The following IQSEC3 variants were observed in gnomAD, a reference collection of about 807,000 sequenced individuals.
IQSEC3 encodes the protein IQ motif and Sec7 domain ArfGEF 3.
IQSEC3 carries 50 observed loss-of-function variants against 105.4 expected under a neutral mutation model. That is an observed-to-expected ratio of 0.47 (90% CI 0.38 to 0.60). IQSEC3 has a LOEUF of 0.60. Among genes scored for constraint, IQSEC3 ranks in the 20% least tolerant of loss-of-function variants. The probability of loss-of-function intolerance (pLI) is 0.00; values close to 1 mark genes in which losing one functional copy is unlikely to be tolerated. For missense variants in IQSEC3, 1,415 were observed against 1,630.0 expected, an observed-to-expected ratio of 0.87 and a Z score of 2.27; for synonymous variants, 708 against 746.0, an observed-to-expected ratio of 0.95 and a Z score of 0.83.
chr12:107,656 C>T (rs1441705222), intron 2 of IQSEC3, among the ~76,000 whole-genome samples: 9 of 151,882 alleles, frequency 5.9e-5, no homozygotes, highest in Non-Finnish European at 8.8e-5. Context: ...GTGATCCGCC[C>T]ACCTCGGCCT....
intron 1 of IQSEC3, among the ~76,000 whole-genome samples, chr12:68,555 T>A (rs1863187877): frequency 6.6e-6 from 1 of 152,280 alleles, no homozygotes; most frequent in African/African-American, 2.4e-5. Context: ...GCTGTGGCCA[T>A]GTCTGCTTCT....
intron 1 of IQSEC3, among the ~76,000 whole-genome samples, chr12:76,247 G>A (rs1390275599): frequency 1.3e-5 from 2 of 152,262 alleles, no homozygotes; most frequent in Admixed American, 6.5e-5. Context: ...GCTGGATTCC[G>A]GGGTCATGAA....
At chr12:133,729 G>C (rs28662778) in intron 3 of IQSEC3, among the ~76,000 whole-genome samples, 2 of 150,040 alleles carry the variant, frequency 1.3e-5, no homozygotes, top group African/African-American at 2.4e-5. Flanking sequence ...GAGTGAGGCA[G>C]AGGTTAGTGT....
At chr12:106,067 A>T (rs1330073450) in intron 2 of IQSEC3, among the ~76,000 whole-genome samples, 12 of 152,232 alleles carry the variant, frequency 7.9e-5, no homozygotes, top group African/African-American at 2.9e-4. Flanking sequence ...GGAAGCAAAT[A>T]CTAGCCACCA....
chr12:80,898 G>A (rs1459168399), intron 1 of IQSEC3, among the ~76,000 whole-genome samples: 1 of 152,218 alleles, frequency 6.6e-6, no homozygotes, highest in East Asian at 1.9e-4. Flanking sequence ...CAAACAGCTA[G>A]CATAGAGGCC....
chr12:111,255 CA>C (rs1405252347), intron 2 of IQSEC3, among the ~76,000 whole-genome samples: 1 of 152,172 alleles, frequency 6.6e-6, no homozygotes, highest in East Asian at 1.9e-4. Flanking sequence ...TTGGCACACC[CA>C]ATCCTCATCT....
rs572367293 is a variant in IQSEC3 at position 138,739 on chromosome 12, C to T, written c.1376C>T (p.Ala459Val). 32 of 1,510,580 alleles carry T rather than the reference C, an allele frequency of 2.1e-5. No homozygotes were observed. In the Admixed American group the frequency reaches 2.5e-4, roughly 12 times the overall value. 93.6% of individuals were successfully genotyped at this position (1,510,580 alleles called of 1,614,324 possible). Residue 459 changes from alanine to valine, a missense_variant, in exon 4 of 14, where the codon GCG (alanine) becomes GTG (valine). This residue lies in a region of IQSEC3 where 720 missense variants were observed against 633.0 expected (regional missense o/e 1.14). Coordinates refer to ENST00000538872, the MANE Select transcript of IQSEC3 (RefSeq NM_001170738.2). The surrounding 1 kb of genome is among the most constrained non-coding windows in gnomAD (Gnocchi z 7.1). Reference protein sequence around the residue: ...LEAEGRAPESAGPGPGDDAAE... With the variant: ...LEAEGRAPESVGPGPGDDAAE... ...GCCGAGGGGCGGGCGCCGGAGAGCG[C>T]GGGCCCCGGGCCCGGGGATGACGCC...
At chr12:86,236 A>G (rs1391091073) in intron 1 of IQSEC3, among the ~76,000 whole-genome samples, 1 of 152,226 alleles carries the variant, frequency 6.6e-6, no homozygotes, top group African/African-American at 2.4e-5. Context: ...GCACAAAACA[A>G]ACAAGGGAAG....
intron 1 of IQSEC3, among the ~76,000 whole-genome samples, chr12:69,207 C>T (rs1863212589): frequency 6.6e-6 from 1 of 152,276 alleles, no homozygotes; most frequent in African/African-American, 2.4e-5. Context: ...ACTGCAACTC[C>T]ACTTTCTTTG....
chr12:77,026 C>T (rs1288397333), intron 1 of IQSEC3, among the ~76,000 whole-genome samples: 1 of 152,290 alleles, frequency 6.6e-6, no homozygotes, highest in Non-Finnish European at 1.5e-5. Flanking sequence ...TGCATCAAAT[C>T]AACCAATGAT....
rs782603737 is a variant in IQSEC3, at chr12:138,424, G to T, written c.1061G>T (p.Arg354Leu). 1 of 1,607,964 alleles carries T rather than the reference G, an allele frequency of 6.2e-7. No homozygotes were observed. The highest frequency in any genetic ancestry group is 1.1e-5 in the South Asian group (1 of 90,982). ...ESRLPRRISLRKVRSPTAESL... is the reference protein window; with the variant it reads ...ESRLPRRISLLKVRSPTAESL... Reference sequence around the variant, plus strand: ...CGCCTGCCACGGCGGATCTCCCTGCGCAAGGTGCGGTCACCCACGGCCGAG... The same window carrying T: ...CGCCTGCCACGGCGGATCTCCCTGCTCAAGGTGCGGTCACCCACGGCCGAG... The change falls in exon 4 of 14, where the codon CGC (arginine) becomes CTC (leucine). Residue 354 changes from arginine (R) to leucine (L), a missense_variant. By Grantham distance (102) the Arg-to-Leu change is moderately radical. Transcript: ENST00000538872. The surrounding 1 kb of genome is among the most constrained non-coding windows in gnomAD (Gnocchi z 7.1).
chr12:156,903 C>CGG, intron 5 of IQSEC3, 122 bp from the exon 6 acceptor site: 2 of 1,252,974 alleles, frequency 1.6e-6, no homozygotes, highest in Non-Finnish European at 2.1e-6. Flanking sequence ...GGGCGACCCC[C>CGG]GGGGGTGAGT....
chr12:95,147 C>T (rs1028094542), intron 1 of IQSEC3, among the ~76,000 whole-genome samples: 4 of 152,190 alleles, frequency 2.6e-5, no homozygotes, highest in African/African-American at 9.7e-5. Flanking sequence ...TGATTTGCCC[C>T]GGGAATGAAC....
At chr12:71,831 C>T (rs1410676904) in intron 1 of IQSEC3, among the ~76,000 whole-genome samples, 8 of 152,392 alleles carry the variant, frequency 5.2e-5, no homozygotes, top group Non-Finnish European at 1.0e-4. Context: ...TGTTCTTCCC[C>T]TATCCCCAGC....
At chr12:100,946 C>T (rs376858863) in intron 2 of IQSEC3, among the ~76,000 whole-genome samples, 2 of 152,080 alleles carry the variant, frequency 1.3e-5, no homozygotes, top group Non-Finnish European at 2.9e-5. Context: ...ACACAGGGCC[C>T]GAGTCTTCTT....
At chr12:71,183 A>G (rs1256535923) in intron 1 of IQSEC3, among the ~76,000 whole-genome samples, 1 of 152,282 alleles carries the variant, frequency 6.6e-6, no homozygotes, top group Non-Finnish European at 1.5e-5. Flanking sequence ...TTTGTCTAAG[A>G]TGCTGATGGG....
intron 2 of IQSEC3, among the ~76,000 whole-genome samples, chr12:117,023 C>T (rs1337183940): frequency 1.3e-5 from 2 of 152,094 alleles, no homozygotes; most frequent in African/African-American, 4.8e-5. Flanking sequence ...ATATAAAATA[C>T]CTCATAATAA....
At chr12:76,873 C>CA (rs1863552960) in intron 1 of IQSEC3, among the ~76,000 whole-genome samples, 1 of 152,264 alleles carries the variant, frequency 6.6e-6, no homozygotes, top group South Asian at 2.1e-4. Context: ...AATGACCTCT[C>CA]AGGGCTTTGG....
intron 1 of IQSEC3, among the ~76,000 whole-genome samples, chr12:70,849 T>C (rs1404221967): frequency 1.3e-5 from 2 of 152,272 alleles, no homozygotes; most frequent in African/African-American, 2.4e-5. Context: ...CCAACCTCAA[T>C]ATGACTATGA....
Sources: gnomAD v4.1 joint callset for allele counts (sites outside exome capture counted in the v4.1 genomes callset) on GRCh38, gnomAD v4.1.1 for gene constraint, gnomAD v4.1.1 regional missense constraint, Gnocchi (gnomAD v3.1) non-coding constraint, MANE v1.5 for transcripts, NCBI Gene and HGNC (gene_info 2026-07-23, HGNC 2026-07-21) for gene names.